Variants in POLN observed in about 807,000 individuals in gnomAD.
POLN encodes DNA polymerase N.
Under a neutral mutation model 113.5 loss-of-function variants are expected in POLN, and 108 were observed. The observed-to-expected ratio is 0.95, with a 90% CI of 0.81 to 1.12. The LOEUF is 1.12. POLN is among the 50% of genes most tolerant of loss of function. The pLI is 0.00. For synonymous variants in POLN, 386 were observed against 391.5 expected (o/e 0.99, Z 0.17); for missense variants, 1,097 against 1,077.1 (o/e 1.02, Z -0.26).
intron 5 of POLN, among the ~76,000 whole-genome samples, chr4:2,201,277 C>CAA (rs35399602): frequency 0.062 from 978 of 15,824 alleles, 436 homozygotes; most frequent in East Asian, 0.11. Flanking sequence ...CCTACCACTC[C>CAA]AAAAAAAAAA....
At position 2,176,179 on chromosome 4, in the gene POLN, A is replaced by G. The variant is rs116433273; in HGVS notation, c.1248+87T>C. On this transcript the variant is annotated intron_variant, in intron 9 of 25. Transcript: ENST00000511885. Reference sequence around the variant, plus strand: ...GAACTCAACGTTTCGTTTCCTTCACATTCAAACTCCCTGGGAGTGCGGGTG... The same window carrying G: ...GAACTCAACGTTTCGTTTCCTTCACGTTCAAACTCCCTGGGAGTGCGGGTG... 9.5e-4 allele frequency: 1,029 copies of G among 1,086,142 alleles called. 2 individuals are homozygous for G. In the African/African-American group the frequency reaches 0.012, roughly 12 times the overall value. 67.3% of individuals were successfully genotyped at this position (1,086,142 alleles called of 1,614,324 possible). A position where few individuals can be genotyped will look rare whatever the true frequency, so the allele number is the denominator to read the frequency against.
intron 19 of POLN, among the ~76,000 whole-genome samples, chr4:2,116,042 C>A (rs1731309477): frequency 1.3e-5 from 2 of 152,176 alleles, no homozygotes; most frequent in Non-Finnish European, 2.9e-5. Context: ...TTTTTCCCTT[C>A]CAAAAGGCCT....
chr4:2,193,066 C>T, intron 7 of POLN, 138 bp downstream of exon 7: 3 of 605,278 alleles, frequency 5.0e-6, no homozygotes, highest in Non-Finnish European at 5.8e-6. Context: ...TGCCTAGGGC[C>T]CATCAGGAGG....
At chr4:2,184,906 G>A (rs1179406659) in intron 7 of POLN, among the ~76,000 whole-genome samples, 3 of 152,016 alleles carry the variant, frequency 2.0e-5, no homozygotes, top group African/African-American at 4.8e-5. Flanking sequence ...GGCTTTTTTT[G>A]ATCACCTTTT....
chr4:2,228,959 T>G, intron 3 of POLN, 140 bp downstream of exon 3: 1 of 686,314 alleles, frequency 1.5e-6, no homozygotes, highest in Non-Finnish European at 2.3e-6. Flanking sequence ...AAGCAGAAGC[T>G]CAGTCTGCAC....
intron 3 of POLN, among the ~76,000 whole-genome samples, chr4:2,225,029 C>T (rs1451873345): frequency 6.6e-6 from 1 of 152,072 alleles, no homozygotes; most frequent in African/African-American, 2.4e-5. Context: ...AATTTTTCAG[C>T]TCCATTATAA....
intron 2 of POLN, among the ~76,000 whole-genome samples, chr4:2,233,889 T>C (rs1455625981): frequency 2.6e-5 from 4 of 151,366 alleles, no homozygotes; most frequent in African/African-American, 9.8e-5. Context: ...TATAAACTCC[T>C]TTAAAAAGCA....
At chr4:2,209,872 G>A (rs1188439215) in intron 4 of POLN, among the ~76,000 whole-genome samples, 3 of 150,620 alleles carry the variant, frequency 2.0e-5, no homozygotes, top group Admixed American at 1.3e-4. Context: ...ATGTTCCCCA[G>A]GCAGGTCTCA....
At chr4:2,157,456 G>A (rs763048285) in intron 15 of POLN, among the ~76,000 whole-genome samples, 27 of 152,266 alleles carry the variant, frequency 1.8e-4, no homozygotes, top group Middle Eastern at 3.4e-3. Context: ...GCTGGGTGAG[G>A]TAGCTCACGC....
intron 16 of POLN, among the ~76,000 whole-genome samples, chr4:2,139,187 G>C (rs1036166056): frequency 6.6e-6 from 1 of 152,236 alleles, no homozygotes; most frequent in African/African-American, 2.4e-5. Context: ...GCAGGGCAGA[G>C]TGGGGAGAGG....
chr4:2,206,816 C>T (rs975649489), intron 5 of POLN, among the ~76,000 whole-genome samples: 2 of 152,280 alleles, frequency 1.3e-5, no homozygotes, highest in East Asian at 3.9e-4. Context: ...TAAACTAGTA[C>T]AATCACTATG....
chr4:2,204,204 C>G (rs1733788242), intron 5 of POLN, among the ~76,000 whole-genome samples: 1 of 147,032 alleles, frequency 6.8e-6, no homozygotes, highest in Admixed American at 6.8e-5. Flanking sequence ...CCAAGATTAA[C>G]CAAGAAAATA....
At chr4:2,157,018 C>A (rs1732451581) in intron 15 of POLN, among the ~76,000 whole-genome samples, 165 bp from the exon 16 acceptor site, 1 of 152,202 alleles carries the variant, frequency 6.6e-6, no homozygotes, top group Non-Finnish European at 1.5e-5. Flanking sequence ...GGTTACAAAA[C>A]TCCTGACACG....
At chr4:2,188,113 C>T (rs1165017127) in intron 7 of POLN, among the ~76,000 whole-genome samples, 2 of 152,042 alleles carry the variant, frequency 1.3e-5, no homozygotes, top group African/African-American at 4.8e-5. Context: ...GAGACCCCAT[C>T]TCCCTGCCAA....
At chr4:2,106,454 T>C (rs998987630) in intron 19 of POLN, among the ~76,000 whole-genome samples, 9 of 152,226 alleles carry the variant, frequency 5.9e-5, no homozygotes, top group African/African-American at 1.2e-4. Context: ...ATAGACTGTC[T>C]TACTTGATAT....
chr4:2,075,908 T>A (rs561673856), intron 23 of POLN, among the ~76,000 whole-genome samples: 1 of 152,158 alleles, frequency 6.6e-6, no homozygotes, highest in East Asian at 1.9e-4. Context: ...CCGTCTGAAG[T>A]CTGGGCAGGG....
At chr4:2,185,009 T>TGATAAA (rs1376850395) in intron 7 of POLN, among the ~76,000 whole-genome samples, 2 of 152,216 alleles carry the variant, frequency 1.3e-5, no homozygotes, top group Non-Finnish European at 2.9e-5. Context: ...GAAGTGTACT[T>TGATAAA]AGGGTAACCA....
intron 21 of POLN, among the ~76,000 whole-genome samples, chr4:2,084,355 G>T (rs1021124652): frequency 1.3e-5 from 2 of 152,190 alleles, no homozygotes; most frequent in African/African-American, 4.8e-5. Flanking sequence ...CCAGCTCCAT[G>T]AGATGGAGGC....
Position 2,229,214 on chromosome 4 carries a change from T to G in POLN, c.18A>C (p.Ala6=). 1 of 1,598,646 alleles carries G rather than the reference T, an allele frequency of 6.3e-7. No homozygotes were observed. The highest frequency in any genetic ancestry group is 8.5e-7 in the Non-Finnish European group (1 of 1,173,948). The stretch of plus-strand genomic sequence containing the variant: ...TATTACAGAGATCAAAGCCTACCAA[T>G]GCCTCATAATTTTCCATTTTCACAA... The part of the protein sequence containing the change: MENYE[A]LVGFDLCNTP... Residue 6 remains alanine, a synonymous_variant, in exon 3 of 26, where the codon GCA becomes GCC. Transcript: ENST00000511885.
Sources: gnomAD v4.1 joint callset for allele counts (sites outside exome capture counted in the v4.1 genomes callset) on GRCh38, gnomAD v4.1.1 for gene constraint, MANE v1.5 for transcripts, NCBI Gene and HGNC (gene_info 2026-07-23, HGNC 2026-07-21) for gene names.